Variants in ALK observed in about 807,000 individuals in gnomAD.
The protein encoded by ALK is ALK tyrosine kinase receptor.
Under a neutral mutation model 163.1 loss-of-function variants are expected in ALK, and 74 were observed. The observed-to-expected ratio is 0.45, with a 90% confidence interval of 0.38 to 0.55. The LOEUF (loss-of-function observed/expected upper bound fraction) is 0.55, where lower values mean the gene tolerates loss of function less well. Ranked by LOEUF, ALK falls within the 20% of genes least tolerant of loss-of-function variation. The pLI is 0.00. For synonymous variants in ALK, 960 were observed against 843.2 expected (o/e 1.14, Z -2.40); for missense variants, 2,063 against 2,105.3 (o/e 0.98, Z 0.39).
intron 9 of ALK, among the ~76,000 whole-genome samples, chr2:29,276,670 C>T (rs141022848): frequency 1.8e-4 from 27 of 152,226 alleles, no homozygotes; most frequent in African/African-American, 3.1e-4. Context: ...GACCCGGAGA[C>T]GTGCTATAAA....
rs758076491 is a variant in ALK, at chr2:29,251,097, A to T, written c.2204+8T>A. On this transcript the variant is annotated splice_region_variant and intron_variant, in intron 12 of 28. Transcript: ENST00000389048. ...TCTGCCCCTCCCCTCCCCCTCTTCC[A>T]TACGCACCTGTAGGTGTCGGTGGCT... The T allele has an allele frequency of 1.2e-6, 2 of 1,613,432 alleles. No individual in the cohort carries two copies. The highest frequency in any genetic ancestry group is 1.7e-6 in the Non-Finnish European group (2 of 1,179,830).
chr2:29,286,569 G>C (rs1315552237), intron 9 of ALK: 2 of 152,026 alleles, frequency 1.3e-5, no homozygotes, highest in African/African-American at 4.8e-5. Flanking sequence ...TCCAAGTTTG[G>C]AAACCATCGT....
intron 9 of ALK, among the ~76,000 whole-genome samples, chr2:29,289,503 C>T (rs917606963): frequency 2.0e-5 from 3 of 152,208 alleles, no homozygotes; most frequent in African/African-American, 7.2e-5. Flanking sequence ...TGTCCCCAGC[C>T]CCTGTAGCTT....
intron 5 of ALK, among the ~76,000 whole-genome samples, chr2:29,343,819 G>A (rs959399102): frequency 6.6e-6 from 1 of 152,178 alleles, no homozygotes; most frequent in African/African-American, 2.4e-5. Context: ...GGCACAAAGG[G>A]CTGCTTCAGA....
chr2:29,270,157 C>G (rs573998102), intron 11 of ALK, among the ~76,000 whole-genome samples: 4 of 152,256 alleles, frequency 2.6e-5, no homozygotes, highest in Admixed American at 2.6e-4. Context: ...AGATCCCTCT[C>G]GAAGACCTAT....
chr2:29,658,231 T>C (rs933797030), intron 3 of ALK, among the ~76,000 whole-genome samples: 3 of 152,152 alleles, frequency 2.0e-5, no homozygotes, highest in Non-Finnish European at 4.4e-5. Flanking sequence ...TGTAATATGG[T>C]ACAATGAGCA....
intron 19 of ALK, 135 bp downstream of exon 19, chr2:29,225,326 C>A (rs1663931077): frequency 1.2e-6 from 1 of 831,718 alleles, no homozygotes; most frequent in Non-Finnish European, 1.9e-6. Context: ...GCCTGGGCTG[C>A]CCTAATCACC....
chr2:29,532,461 C>A (rs1054422304), intron 3 of ALK, among the ~76,000 whole-genome samples: 1 of 152,190 alleles, frequency 6.6e-6, no homozygotes, highest in Non-Finnish European at 1.5e-5. Context: ...TTGTTCCTTC[C>A]CTTACTAGTT....
intron 12 of ALK, 64 bp from the exon 13 acceptor site, chr2:29,239,894 C>A: frequency 6.4e-7 from 1 of 1,567,358 alleles, no homozygotes; most frequent in Non-Finnish European, 8.7e-7. Flanking sequence ...TTCCTGCCAA[C>A]CCAGCAGCTT....
chr2:29,636,527 T>C (rs375203728), intron 3 of ALK, among the ~76,000 whole-genome samples: 5 of 152,018 alleles, frequency 3.3e-5, no homozygotes, highest in African/African-American at 1.2e-4. Flanking sequence ...TTTGAGGAAG[T>C]AGGGCAACAG....
chr2:29,580,130 T>C (rs1293764550), intron 3 of ALK, among the ~76,000 whole-genome samples: 1 of 152,158 alleles, frequency 6.6e-6, no homozygotes, highest in Non-Finnish European at 1.5e-5. Context: ...GTTTTATGCA[T>C]ATGTCCACAT....
At chr2:29,643,147 G>A (rs1446200069) in intron 3 of ALK, among the ~76,000 whole-genome samples, 1 of 151,958 alleles carries the variant, frequency 6.6e-6, no homozygotes, top group African/African-American at 2.4e-5. Flanking sequence ...TTTTGGCTGG[G>A]GAAAAATAAT....
intron 3 of ALK, among the ~76,000 whole-genome samples, chr2:29,615,781 C>A (rs1388970632): frequency 4.6e-5 from 7 of 152,212 alleles, no homozygotes; most frequent in African/African-American, 7.2e-5. Context: ...GGATTCTCTG[C>A]AGTTTTAATG....
chr2:29,396,835 G>GTTTTTTTTT, intron 4 of ALK, among the ~76,000 whole-genome samples: 1 of 35,720 alleles, frequency 2.8e-5, no homozygotes, highest in Non-Finnish European at 5.5e-5. Context: ...TTGTTACTAT[G>GTTTTTTTTT]GTTTTTTTTT....
At chr2:29,636,556 G>A (rs1157445430) in intron 3 of ALK, among the ~76,000 whole-genome samples, 1 of 151,906 alleles carries the variant, frequency 6.6e-6, no homozygotes, top group Admixed American at 6.6e-5. Context: ...CTTAGACTTG[G>A]CACCAAAAAA....
chr2:29,893,384 C>T (rs1667194463), intron 1 of ALK, among the ~76,000 whole-genome samples: 2 of 152,180 alleles, frequency 1.3e-5, no homozygotes, highest in South Asian at 2.1e-4. Flanking sequence ...TTTATATGTT[C>T]ACCAGCTCCC....
chr2:29,408,451 C>T (rs999682882), intron 4 of ALK, among the ~76,000 whole-genome samples: 1 of 152,080 alleles, frequency 6.6e-6, no homozygotes. Context: ...TGAGGGGTAA[C>T]AAGCCCGATG....
At chr2:29,868,094 G>A (rs72794304) in intron 1 of ALK, among the ~76,000 whole-genome samples, 9,223 of 152,270 alleles carry the variant, frequency 0.061, 392 homozygotes, top group East Asian at 0.14. Context: ...GGCTGGCCAC[G>A]AAAGAGGTAG....
At position 29,920,185 on chromosome 2, in the gene ALK, C is replaced by CG. The variant is rs1244823020; in HGVS notation, c.474dup (p.Gly159ArgfsTer67). On this transcript the variant is annotated frameshift_variant, in exon 1 of 29. Coordinates refer to ENST00000389048, the MANE Select transcript of ALK (RefSeq NM_004304.5). LOFTEE classifies it high-confidence loss of function. Reference sequence around the variant, plus strand: ...TGGAGCAGCCCCACAGCCGCCTCCCCGGGGGGCCCGACGCAACCCTCCAAG... The same window carrying CG: ...TGGAGCAGCCCCACAGCCGCCTCCCCGGGGGGGCCCGACGCAACCCTCCAAG... The CG allele has an allele frequency of 1.2e-6, 2 of 1,613,368 alleles. No individual in the cohort carries two copies. Among genetic ancestry groups the CG allele is most frequent in the Non-Finnish European group, 8.5e-7 (1 of 1,180,002 alleles).
Sources: allele counts gnomAD v4.1 joint callset (sites outside exome capture counted in the v4.1 genomes callset), GRCh38; gene constraint gnomAD v4.1.1; transcripts MANE v1.5; gene names NCBI Gene and HGNC (gene_info 2026-07-23, HGNC 2026-07-21).